KCNAB1: variants seen among roughly 807,000 people sequenced by gnomAD.
KCNAB1 encodes the protein potassium voltage-gated channel subfamily A regulatory beta subunit 1, also known as voltage-gated potassium channel subunit beta-1.
A neutral mutation model predicts 64.6 loss-of-function variants in KCNAB1; 35 were observed. The observed-to-expected ratio is 0.54, with a 90% CI of 0.41 to 0.72. The LOEUF (loss-of-function observed/expected upper bound fraction) is 0.72. KCNAB1 is among the 30% of genes least tolerant of loss of function. KCNAB1 has a pLI of 0.00. For synonymous variants in KCNAB1, 177 were observed against 183.8 expected, an observed-to-expected ratio of 0.96 and a Z score of 0.30; for missense variants, 401 against 512.9, an observed-to-expected ratio of 0.78 and a Z score of 2.11.
intron 1 of KCNAB1, among the ~76,000 whole-genome samples, chr3:156,187,066 C>T (rs1430585292): frequency 1.3e-5 from 2 of 152,140 alleles, no homozygotes; most frequent in Non-Finnish European, 2.9e-5. Flanking sequence ...GTTGCCCAGG[C>T]TGGTCTAGAA....
chr3:156,516,409 G>T, intron 11 of KCNAB1, 45 bp downstream of exon 11: 1 of 1,373,356 alleles, frequency 7.3e-7, no homozygotes, highest in Non-Finnish European at 1.0e-6. Context: ...GTAGGAAGGA[G>T]GGAAGAAGGT....
In KCNAB1 at chr3:156,522,434, A is replaced by G. The variant is rs1576972803; in HGVS notation, c.961-1393A>G. Among the ~76,000 whole-genome samples the G allele has an allele frequency of 2.0e-5, 3 of 152,154 alleles. No individual in the cohort carries two copies. In the East Asian group the frequency reaches 5.8e-4, roughly 30 times the overall value. ...TGTTCACAATGCCCACCTCATCACC[A>G]CTGGCACCAAATGTCATCTCTGGAG... On this transcript the variant is annotated intron_variant, in intron 11 of 13. Transcript: ENST00000490337.
chr3:156,378,956 G>A (rs73873346), intron 1 of KCNAB1, among the ~76,000 whole-genome samples: 1 of 152,176 alleles, frequency 6.6e-6, no homozygotes, highest in African/African-American at 2.4e-5. Flanking sequence ...GGAGTCAAAG[G>A]CTGTCTCTGA....
At chr3:156,255,542 T>C (rs1054106961) in intron 1 of KCNAB1, among the ~76,000 whole-genome samples, 4 of 152,178 alleles carry the variant, frequency 2.6e-5, no homozygotes, top group Non-Finnish European at 5.9e-5. Context: ...ATCTTCCTCT[T>C]ACACTCTCTT....
intron 1 of KCNAB1, among the ~76,000 whole-genome samples, chr3:156,380,451 C>G (rs1560227947): frequency 6.6e-6 from 1 of 152,158 alleles, no homozygotes; most frequent in African/African-American, 2.4e-5. Flanking sequence ...TTTAAGAATA[C>G]TTAAAACCTA....
intron 2 of KCNAB1, among the ~76,000 whole-genome samples, chr3:156,426,679 C>G (rs533591054): frequency 6.6e-6 from 1 of 152,330 alleles, no homozygotes; most frequent in African/African-American, 2.4e-5. Flanking sequence ...TTTTTACTGT[C>G]TGCATAGTTT....
intron 1 of KCNAB1, among the ~76,000 whole-genome samples, chr3:156,308,207 G>A (rs944033930): frequency 6.6e-6 from 1 of 152,174 alleles, no homozygotes; most frequent in African/African-American, 2.4e-5. Flanking sequence ...AATCCAGGCA[G>A]AGAAAAAAGC....
At chr3:156,475,054 G>C (rs1041710493) in intron 8 of KCNAB1, among the ~76,000 whole-genome samples, 1 of 152,140 alleles carries the variant, frequency 6.6e-6, no homozygotes, top group African/African-American at 2.4e-5. Context: ...GCTCCCGCTG[G>C]TTACAGTGCT....
chr3:156,224,019 G>A (rs7611006), intron 1 of KCNAB1, among the ~76,000 whole-genome samples: 4,200 of 152,344 alleles, frequency 0.028, 214 homozygotes, highest in African/African-American at 0.095. Flanking sequence ...TGGTTGGGGG[G>A]GATGTGAGAC....
intron 1 of KCNAB1, among the ~76,000 whole-genome samples, chr3:156,276,148 T>G (rs184047181): frequency 1.7e-4 from 26 of 152,306 alleles, no homozygotes; most frequent in Admixed American, 1.7e-3. Context: ...TTAATCCCCT[T>G]GTACATTTCT....
intron 11 of KCNAB1, 58 bp downstream of exon 11, chr3:156,516,422 G>A (rs1302264725): frequency 1.6e-6 from 2 of 1,243,398 alleles, no homozygotes; most frequent in Non-Finnish European, 2.4e-6. Flanking sequence ...AAGAAGGTTG[G>A]TAAGAACAGC....
chr3:156,171,985 CT>C (rs1231150723), intron 1 of KCNAB1, among the ~76,000 whole-genome samples: 1 of 152,168 alleles, frequency 6.6e-6, no homozygotes, highest in East Asian at 1.9e-4. Flanking sequence ...AATGAGAAAT[CT>C]TATCACACAC....
chr3:156,515,610 C>G (rs1038164033), intron 10 of KCNAB1, among the ~76,000 whole-genome samples: 4 of 152,140 alleles, frequency 2.6e-5, no homozygotes, highest in African/African-American at 9.7e-5. Flanking sequence ...TATCCACTAC[C>G]CTGGCCCTGG....
intron 1 of KCNAB1, among the ~76,000 whole-genome samples, chr3:156,357,696 A>G (rs1349628750): frequency 6.6e-6 from 1 of 151,766 alleles, no homozygotes; most frequent in African/African-American, 2.4e-5. Flanking sequence ...TTATTTACCC[A>G]CTGTATCCAT....
chr3:156,401,591 A>G (rs1427261288), intron 1 of KCNAB1, among the ~76,000 whole-genome samples: 2 of 152,190 alleles, frequency 1.3e-5, no homozygotes, highest in East Asian at 3.8e-4. Flanking sequence ...CTGAGTCTAG[A>G]TTTCCATTCT....
At chr3:156,354,122 A>ATATATATATATATATATGTG (rs1725063928) in intron 1 of KCNAB1, among the ~76,000 whole-genome samples, 1 of 69,556 alleles carries the variant, frequency 1.4e-5, no homozygotes, top group Non-Finnish European at 3.1e-5. Context: ...GTGTGTGTGT[A>ATATATATATATATATATGTG]TATATATATA....
intron 1 of KCNAB1, among the ~76,000 whole-genome samples, chr3:156,167,776 A>G (rs1232023270): frequency 6.6e-6 from 1 of 152,216 alleles, no homozygotes; most frequent in African/African-American, 2.4e-5. Flanking sequence ...CAAGAGTCAG[A>G]AAAACTGTGC....
At chr3:156,317,859 CA>C (rs1277775219) in intron 1 of KCNAB1, among the ~76,000 whole-genome samples, 6 of 152,254 alleles carry the variant, frequency 3.9e-5, no homozygotes, top group Admixed American at 3.9e-4. Context: ...ACTGAGTTAG[CA>C]AATAACATTG....
At chr3:156,418,870 A>T (rs1419897176) in intron 1 of KCNAB1, among the ~76,000 whole-genome samples, 1 of 152,202 alleles carries the variant, frequency 6.6e-6, no homozygotes, top group Admixed American at 6.5e-5. Context: ...AGGGAAACAA[A>T]AATATCAAGG....
Sources: gnomAD v4.1 joint callset for allele counts (sites outside exome capture counted in the v4.1 genomes callset) on GRCh38, gnomAD v4.1.1 for gene constraint, MANE v1.5 for transcripts, NCBI Gene and HGNC (gene_info 2026-07-23, HGNC 2026-07-21) for gene names.